LRRFIP2: variants seen among roughly 807,000 people sequenced by gnomAD.
LRRFIP2 encodes the protein leucine-rich repeat flightless-interacting protein 2.
In LRRFIP2, 109 loss-of-function variants were observed where a neutral mutation model predicts 125.9. The observed-to-expected ratio is 0.87, with a 90% CI of 0.74 to 1.01. The LOEUF (loss-of-function observed/expected upper bound fraction) is 1.01. Ranked by LOEUF, LRRFIP2 falls within the 50% of genes least tolerant of loss-of-function variation. The pLI, the probability that LRRFIP2 is intolerant of heterozygous loss-of-function variation, is 0.00. For synonymous variants in LRRFIP2, 291 were observed against 293.1 expected, an observed-to-expected ratio of 0.99 and a Z score of 0.07; for missense variants, 850 against 862.3, an observed-to-expected ratio of 0.99 and a Z score of 0.18.
chr3:37,107,169 G>C (rs1251593086), intron 13 of LRRFIP2, among the ~76,000 whole-genome samples: 1 of 151,232 alleles, frequency 6.6e-6, no homozygotes, highest in African/African-American at 2.4e-5. Flanking sequence ...CCAAAGTGCT[G>C]GGATTACAGG....
intron 18 of LRRFIP2, among the ~76,000 whole-genome samples, chr3:37,085,585 C>CTT (rs113687377): frequency 1.4e-5 from 2 of 145,282 alleles, no homozygotes; most frequent in South Asian, 2.2e-4. Flanking sequence ...AAATATAAAA[C>CTT]TTTTTTTTTT....
intron 1 of LRRFIP2, among the ~76,000 whole-genome samples, chr3:37,160,640 G>A (rs1307577790): frequency 6.6e-6 from 1 of 151,838 alleles, no homozygotes; most frequent in Non-Finnish European, 1.5e-5. Context: ...TTAGCTGGGC[G>A]TGGTGGTACA....
intron 18 of LRRFIP2, 46 bp downstream of exon 18, chr3:37,091,421 C>T (rs772675830): frequency 3.0e-5 from 45 of 1,504,636 alleles, no homozygotes; most frequent in Middle Eastern, 1.7e-4. Context: ...ATTGCCAACA[C>T]TTCTGCATAC....
chr3:37,099,272 G>T (rs751370587), intron 15 of LRRFIP2, among the ~76,000 whole-genome samples: 4 of 152,056 alleles, frequency 2.6e-5, no homozygotes, highest in Non-Finnish European at 4.4e-5. Context: ...CTGAAACTTG[G>T]TATTCTAAAA....
intron 19 of LRRFIP2, among the ~76,000 whole-genome samples, chr3:37,081,970 T>C (rs1481767234): frequency 2.0e-5 from 3 of 150,062 alleles, no homozygotes; most frequent in Admixed American, 6.6e-5. Flanking sequence ...CCTTCTAAAA[T>C]GATGGAGGGA....
At chr3:37,109,442 T>C (rs2094468657) in intron 11 of LRRFIP2, 85 bp downstream of exon 11, 1 of 1,431,046 alleles carries the variant, frequency 7.0e-7, no homozygotes, top group African/African-American at 1.4e-5. Flanking sequence ...TTAACTATTT[T>C]GGAGAAAAGC....
At chr3:37,118,670 A>G (rs1364770462) in intron 6 of LRRFIP2, among the ~76,000 whole-genome samples, 1 of 152,204 alleles carries the variant, frequency 6.6e-6, no homozygotes, top group Non-Finnish European at 1.5e-5. Context: ...TCAAAAAGAT[A>G]GTATATGAAA....
chr3:37,170,101 T>C (rs1001674012), intron 1 of LRRFIP2, among the ~76,000 whole-genome samples: 4 of 152,186 alleles, frequency 2.6e-5, no homozygotes, highest in Admixed American at 6.5e-5. Context: ...ATCATTCTCA[T>C]CATCATAAAT....
intron 1 of LRRFIP2, among the ~76,000 whole-genome samples, chr3:37,165,411 T>A (rs2096455683): frequency 9.2e-6 from 1 of 109,020 alleles, no homozygotes; most frequent in Non-Finnish European, 1.7e-5. Flanking sequence ...TCCACAAAAC[T>A]GAATCCTGGT....
Position 37,134,849 on chromosome 3 carries a change from A to C in LRRFIP2, c.91-5700T>G. The C allele has an allele frequency of 2.7e-6, 3 of 1,102,348 alleles. No homozygotes were observed. The South Asian group carries it at 3.7e-5, about 14-fold the overall frequency. The allele number at this position is 1,102,348 out of a possible 1,614,324, so 68.3% of individuals were successfully genotyped here. A position where few individuals can be genotyped will look rare whatever the true frequency, so the allele number is the denominator to read the frequency against. On this transcript the variant is annotated intron_variant, in intron 2 of 27. Coordinates refer to ENST00000336686, the MANE Select transcript of LRRFIP2 (RefSeq NM_006309.4). Reference sequence around the variant, plus strand: ...TTCCTACAGACTGCTCCTTCAAACCACCTAAGGTTGCATGTACAACAAGGA... The same window carrying C: ...TTCCTACAGACTGCTCCTTCAAACCCCCTAAGGTTGCATGTACAACAAGGA...
At chr3:37,108,578 G>C in intron 12 of LRRFIP2, 59 bp downstream of exon 12, 2 of 1,390,604 alleles carry the variant, frequency 1.4e-6, no homozygotes, top group South Asian at 1.3e-5. Context: ...TTCTTTGAAA[G>C]TAAACTGTGC....
chr3:37,151,054 A>C (rs568919070), intron 1 of LRRFIP2, among the ~76,000 whole-genome samples: 12 of 152,294 alleles, frequency 7.9e-5, no homozygotes, highest in Non-Finnish European at 1.0e-4. Flanking sequence ...GATTATTAAG[A>C]ACTCATTTAA....
intron 3 of LRRFIP2, 65 bp from the exon 4 acceptor site, chr3:37,127,745 A>G: frequency 8.1e-7 from 1 of 1,238,724 alleles, no homozygotes; most frequent in Non-Finnish European, 1.2e-6. Context: ...AAAAACCTTA[A>G]ATTAATCATA....
At chr3:37,088,809 T>A (rs960049698) in intron 18 of LRRFIP2, among the ~76,000 whole-genome samples, 1 of 148,482 alleles carries the variant, frequency 6.7e-6, no homozygotes, top group Non-Finnish European at 1.5e-5. Flanking sequence ...TAAAAAAAAA[T>A]TTTAAATAAA....
chr3:37,073,094 T>C (rs1009818120), intron 20 of LRRFIP2, among the ~76,000 whole-genome samples: 2 of 152,186 alleles, frequency 1.3e-5, no homozygotes, highest in East Asian at 1.9e-4. Context: ...CCTACAAAAG[T>C]AAGCAAAGGA....
intron 1 of LRRFIP2, among the ~76,000 whole-genome samples, chr3:37,171,898 T>C (rs573013559): frequency 1.4e-3 from 220 of 152,352 alleles, no homozygotes; most frequent in Non-Finnish European, 2.5e-3. Flanking sequence ...TGCTTCTATA[T>C]GACAGTACCA....
intron 23 of LRRFIP2, chr3:37,064,584 C>T (rs926148670): frequency 3.2e-5 from 2 of 62,130 alleles, no homozygotes; most frequent in Admixed American, 3.3e-4. Context: ...GAGACTTCGT[C>T]TCAAAAAAAA....
chr3:37,116,944 A>G (rs916451597), intron 6 of LRRFIP2, among the ~76,000 whole-genome samples: 4 of 152,094 alleles, frequency 2.6e-5, no homozygotes, highest in Admixed American at 2.0e-4. Flanking sequence ...AAAACACAAT[A>G]AAAAATATTA....
rs1290807758 is a variant in LRRFIP2 at position 37,132,985 on chromosome 3, A to G, written c.91-3836T>C. ...ACGCCTGTAATCTCAGCACTTTAGG[A>G]GGACAAGGCGGGCAGATCACTTGAG... On this transcript the variant is annotated intron_variant, in intron 2 of 27. Transcript: ENST00000336686. Among the ~76,000 whole-genome samples the G allele has an allele frequency of 5.3e-5, 8 of 152,240 alleles. 1 individual carries two copies. The highest frequency in any genetic ancestry group is 5.2e-4 in the Admixed American group (8 of 15,288).
Sources: gnomAD v4.1 joint callset for allele counts (sites outside exome capture counted in the v4.1 genomes callset) on GRCh38, gnomAD v4.1.1 for gene constraint, MANE v1.5 for transcripts, NCBI Gene and HGNC (gene_info 2026-07-23, HGNC 2026-07-21) for gene names.